Variants in IQCH observed in about 807,000 individuals in gnomAD.
The protein encoded by IQCH is IQ domain-containing protein H.
A neutral mutation model predicts 117.0 loss-of-function variants in IQCH; 98 were observed. The ratio of observed to expected loss-of-function variants is 0.84; its 90% CI spans 0.71 to 0.99. The LOEUF (loss-of-function observed/expected upper bound fraction) is 0.99, where lower values mean the gene tolerates loss of function less well. Among genes scored for constraint, IQCH ranks in the 50% least tolerant of loss-of-function variants. The pLI is 0.00. For missense variants in IQCH, 1,102 were observed against 1,243.8 expected (o/e 0.89, Z 1.72); for synonymous variants, 412 against 448.2 (o/e 0.92, Z 1.02).
intron 4 of IQCH, among the ~76,000 whole-genome samples, chr15:67,316,044 G>A (rs530332843): frequency 3.9e-5 from 6 of 152,290 alleles, no homozygotes; most frequent in Admixed American, 3.9e-4. Context: ...TTCTCCTTGT[G>A]TAGCTGGTGA....
chr15:67,301,426 T>TC (rs1555441782), intron 4 of IQCH, among the ~76,000 whole-genome samples: 2 of 142,602 alleles, frequency 1.4e-5, no homozygotes, highest in African/African-American at 5.2e-5. Context: ...TTTTTTTTTT[T>TC]TGAAACCGAG....
chr15:67,492,652 G>A (rs1231332779), intron 19 of IQCH, among the ~76,000 whole-genome samples: 2 of 152,292 alleles, frequency 1.3e-5, no homozygotes, highest in East Asian at 3.9e-4. Flanking sequence ...AAGCCTTTCA[G>A]CAGGCAGCAG....
chr15:67,265,106 C>T (rs537828280), intron 3 of IQCH, among the ~76,000 whole-genome samples: 4 of 152,230 alleles, frequency 2.6e-5, no homozygotes, highest in Non-Finnish European at 5.9e-5. Flanking sequence ...TACTCAAGTT[C>T]TACTGTCTCT....
At chr15:67,434,251 C>T (rs957671025) in intron 16 of IQCH, among the ~76,000 whole-genome samples, 2 of 152,280 alleles carry the variant, frequency 1.3e-5, no homozygotes, top group African/African-American at 4.8e-5. Flanking sequence ...CACCTTCCGA[C>T]CCCTGGTAAT....
rs994389728 is a variant in IQCH, at chr15:67,404,747, C to T, written c.2097+4442C>T. On this transcript the variant is annotated intron_variant, in intron 14 of 20. Coordinates refer to ENST00000335894, the MANE Select transcript of IQCH (RefSeq NM_001031715.3). This position sits in a 1 kb window ranked among gnomAD's most constrained non-coding sequence, Gnocchi z 4.6. Reference sequence around the variant, plus strand: ...ATGAACTCTAATATATTGAACAATTCAACTAAGTTGGAAATTTAGGCTATT... The same window carrying T: ...ATGAACTCTAATATATTGAACAATTTAACTAAGTTGGAAATTTAGGCTATT... The T allele has an allele frequency of 6.6e-6, 1 of 152,126 alleles. No homozygotes were observed. Among genetic ancestry groups the T allele is most frequent in the Non-Finnish European group, 1.5e-5 (1 of 68,024 alleles). The allele number at this position is 152,126 out of a possible 1,614,324, so 9.4% of individuals were successfully genotyped here. A position where few individuals can be genotyped will look rare whatever the true frequency, so the allele number is the denominator to read the frequency against.
At position 67,474,903 on chromosome 15, in the gene IQCH, G is replaced by A. The variant is rs1055213676; in HGVS notation, c.2677-793G>A. Among the ~76,000 whole-genome samples, 4 of 152,184 alleles carry A rather than the reference G, an allele frequency of 2.6e-5. No homozygotes were observed. Among genetic ancestry groups the A allele is most frequent in the Non-Finnish European group, 2.9e-5 (2 of 68,034 alleles). On this transcript the variant is annotated intron_variant, in intron 17 of 20. Transcript: ENST00000335894. The surrounding 1 kb of genome is among the most constrained non-coding windows in gnomAD (Gnocchi z 4.1). ...GTGAGGAAAATGGCAGTTTGCCCAC[G>A]TGGTCTTCCTCTCAAAAACACATTA...
rs2083650701 is a variant in IQCH, at chr15:67,491,419, T to C, written c.2861+1355T>C. The stretch of plus-strand genomic sequence containing the variant: ...GGCAAATGTTCTGGTTTCTTCTCCC[T>C]TGCAACTAGAATGTGGCTACAATTT... On this transcript the variant is annotated intron_variant, in intron 19 of 20. Transcript: ENST00000335894. This position sits in a 1 kb window ranked among gnomAD's most constrained non-coding sequence, Gnocchi z 4.9. Among the ~76,000 whole-genome samples, 1 of 152,186 alleles carries C rather than the reference T, an allele frequency of 6.6e-6. No individual in the cohort carries two copies.
chr15:67,461,121 A>G (rs1429752817), intron 16 of IQCH, among the ~76,000 whole-genome samples: 1 of 152,296 alleles, frequency 6.6e-6, no homozygotes, highest in East Asian at 1.9e-4. Flanking sequence ...CATGCCTGTA[A>G]TCCCAGCACT....
rs1434879178 is a variant in IQCH, at chr15:67,466,563, C to G, written c.2676+1266C>G. ...CAGTCTGGATTTGAATAACCTTTGA[C>G]TCTTCCCAGGATCTCTGCAGTCACC... On this transcript the variant is annotated intron_variant, in intron 17 of 20. Coordinates refer to ENST00000335894, the MANE Select transcript of IQCH (RefSeq NM_001031715.3). This position sits in a 1 kb window ranked among gnomAD's most constrained non-coding sequence, Gnocchi z 4.4. The G allele has an allele frequency of 6.6e-6, 1 of 152,196 alleles. No individual in the cohort carries two copies. The highest frequency in any genetic ancestry group is 2.4e-5 in the African/African-American group (1 of 41,434). The allele number at this position is 152,196 out of a possible 1,614,324, so 9.4% of individuals were successfully genotyped here.
rs181763253 is a variant in IQCH at position 67,318,508 on chromosome 15, T to C, written c.388-18467T>C. On this transcript the variant is annotated intron_variant, in intron 4 of 20. Coordinates refer to ENST00000335894, the MANE Select transcript of IQCH (RefSeq NM_001031715.3). Reference sequence around the variant, plus strand: ...AATGTAATTCCAATCAAAATTCCTATGGGTTTTATTTGGTTTGCATGGAAT... The same window carrying C: ...AATGTAATTCCAATCAAAATTCCTACGGGTTTTATTTGGTTTGCATGGAAT... Among the ~76,000 whole-genome samples the C allele has an allele frequency of 5.9e-5, 9 of 152,362 alleles. No individual in the cohort carries two copies. In the East Asian group the frequency reaches 1.5e-3, roughly 26 times the overall value.
intron 16 of IQCH, among the ~76,000 whole-genome samples, chr15:67,441,122 CAAAAAAAAAAAA>C (rs200254535): frequency 1.2e-3 from 66 of 54,014 alleles, no homozygotes; most frequent in African/African-American, 2.6e-3. Flanking sequence ...GCAATAGCTG[CAAAAAAAAAAAA>C]AAAAAAAAAA....
rs560040157 is a variant in IQCH at position 67,288,708 on chromosome 15, G to C, written c.387+9196G>C. Among the ~76,000 whole-genome samples the C allele has an allele frequency of 2.6e-5, 4 of 152,190 alleles. No individual in the cohort carries two copies. The East Asian group carries it at 7.7e-4, about 29-fold the overall frequency. On this transcript the variant is annotated intron_variant, in intron 4 of 20. Transcript: ENST00000335894. ...TTTTGCATCCATCCAGCCACTCTGT[G>C]TCTTTTGATTGGAGAGTTTAGTCCA... is the stretch of plus-strand genomic sequence containing the variant.
chr15:67,311,598 A>T (rs1482749154), intron 4 of IQCH, among the ~76,000 whole-genome samples: 1 of 148,660 alleles, frequency 6.7e-6, no homozygotes, highest in Non-Finnish European at 1.5e-5. Flanking sequence ...ATAATATATA[A>T]TGTAAGCACA....
chr15:67,411,208 TC>T lies in IQCH; in HGVS notation c.2098-5721del, dbSNP rs1161940005. ...AATCTGTACCACTAGCTGATTCAAA[TC>T]CGGAGCACCTTTCATGGTGCTCCCC... is the stretch of plus-strand genomic sequence containing the variant. On this transcript the variant is annotated intron_variant, in intron 14 of 20. Transcript: ENST00000335894. This position sits in a 1 kb window ranked among gnomAD's most constrained non-coding sequence, Gnocchi z 4.4. 6.6e-6 allele frequency among the ~76,000 whole-genome samples: 1 copy of T among 152,064 alleles called. No homozygotes were observed. Among genetic ancestry groups the T allele is most frequent in the East Asian group, 1.9e-4 (1 of 5,176 alleles).
Position 67,369,042 on chromosome 15 carries a change from C to T in IQCH, c.754-3069C>T, listed in dbSNP as rs1970430400. Reference sequence around the variant, plus strand: ...CTAGGACTACAGCTGCACACCACCACACCCAGCTAGTATTTCTAAATTTTA... The same window carrying T: ...CTAGGACTACAGCTGCACACCACCATACCCAGCTAGTATTTCTAAATTTTA... On this transcript the variant is annotated intron_variant, in intron 8 of 20. Coordinates refer to ENST00000335894, the MANE Select transcript of IQCH (RefSeq NM_001031715.3). The surrounding 1 kb of genome is among the most constrained non-coding windows in gnomAD (Gnocchi z 5.2). 6.6e-6 allele frequency among the ~76,000 whole-genome samples: 1 copy of T among 152,188 alleles called. No individual in the cohort carries two copies. Among genetic ancestry groups the T allele is most frequent in the South Asian group, 2.1e-4 (1 of 4,828 alleles).
Position 67,473,892 on chromosome 15 carries a change from G to T in IQCH, c.2677-1804G>T, listed in dbSNP as rs913749208. ...ACAACTCAAGATGTATTAGCCTGTG[G>T]GGGCCTAACTCGTCTGTAGATGTGG... On this transcript the variant is annotated intron_variant, in intron 17 of 20. Transcript: ENST00000335894. This position sits in a 1 kb window ranked among gnomAD's most constrained non-coding sequence, Gnocchi z 4.9. Among the ~76,000 whole-genome samples, 1 of 152,180 alleles carries T rather than the reference G, an allele frequency of 6.6e-6. No homozygotes were observed.
At chr15:67,329,269 A>T (rs1237213997) in intron 4 of IQCH, among the ~76,000 whole-genome samples, 1 of 150,398 alleles carries the variant, frequency 6.6e-6, no homozygotes. Flanking sequence ...ACTGCACCCC[A>T]GCCTGGGCAA....
At chr15:67,486,038 C>CTTTTTTTT (rs55963427) in intron 18 of IQCH, among the ~76,000 whole-genome samples, 1 of 106,306 alleles carries the variant, frequency 9.4e-6, no homozygotes. Context: ...GCTAAGTTTT[C>CTTTTTTTT]TTTTTTTTTT....
chr15:67,283,900 AT>A (rs1966462646), intron 4 of IQCH, among the ~76,000 whole-genome samples: 1 of 151,958 alleles, frequency 6.6e-6, no homozygotes, highest in African/African-American at 2.4e-5. Context: ...CATTTATTTT[AT>A]TTTTTATTTT....
Sources: allele counts gnomAD v4.1 joint callset (sites outside exome capture counted in the v4.1 genomes callset), GRCh38; gene constraint gnomAD v4.1.1; non-coding constraint Gnocchi (gnomAD v3.1); transcripts MANE v1.5; gene names NCBI Gene and HGNC (gene_info 2026-07-23, HGNC 2026-07-21).